ZBTB7C: variants seen among roughly 807,000 people sequenced by gnomAD.
ZBTB7C encodes zinc finger and BTB domain-containing protein 7C.
In ZBTB7C, 8 loss-of-function variants were observed where a neutral mutation model predicts 25.7. The observed-to-expected ratio is 0.31, with a 90% CI of 0.18 to 0.56. The LOEUF is 0.56. ZBTB7C is among the 20% of genes least tolerant of loss of function. ZBTB7C has a pLI of 0.91. For missense variants in ZBTB7C, 824 were observed against 855.2 expected (o/e 0.96, Z 0.46); for synonymous variants, 394 against 369.0 (o/e 1.07, Z -0.78).
At chr18:48,409,482 CCCCGCGCCCCGCGCCCCGCG>C (rs1568432306), upstream of ZBTB7C, 1 of 146,214 alleles carries the variant, frequency 6.8e-6, no homozygotes, top group Non-Finnish European at 1.5e-5. Flanking sequence ...CGGCTGTCAG[CCCCGCGCCCCGCGCCCCGCG>C]CCCGCGCCGC....
intron 3 of ZBTB7C, among the ~76,000 whole-genome samples, chr18:48,059,150 T>G (rs1038333271): frequency 1.3e-5 from 2 of 152,196 alleles, no homozygotes; most frequent in Non-Finnish European, 2.9e-5. Context: ...CTAACTCAAC[T>G]CCTTTGGGAA....
chr18:48,384,697 T>G (rs956658151), intron 1 of ZBTB7C, among the ~76,000 whole-genome samples: 6 of 152,220 alleles, frequency 3.9e-5, no homozygotes, highest in African/African-American at 1.4e-4. Flanking sequence ...TTGTTTGTTT[T>G]TTGAGATTGA....
chr18:48,314,569 C>T (rs921231343), intron 2 of ZBTB7C, among the ~76,000 whole-genome samples: 13 of 152,126 alleles, frequency 8.5e-5, no homozygotes, highest in Non-Finnish European at 1.9e-4. Context: ...CATATAGTGG[C>T]CAAGAGCTGC....
At chr18:48,295,170 G>A (rs1247331582) in intron 2 of ZBTB7C, among the ~76,000 whole-genome samples, 4 of 152,110 alleles carry the variant, frequency 2.6e-5, no homozygotes, top group Non-Finnish European at 5.9e-5. Flanking sequence ...TGCAAGTAAC[G>A]TCTTGTTAAA....
intron 2 of ZBTB7C, among the ~76,000 whole-genome samples, chr18:48,292,948 C>T (rs531703696): frequency 3.3e-5 from 5 of 152,188 alleles, no homozygotes; most frequent in South Asian, 4.1e-4. Flanking sequence ...ACACCCCCAC[C>T]CCTGCCATGG....
chr18:48,366,331 A>G (rs56854062), intron 1 of ZBTB7C, among the ~76,000 whole-genome samples: 9,216 of 152,340 alleles, frequency 0.06, 376 homozygotes, highest in East Asian at 0.16. Context: ...ATGAAACTAT[A>G]GAAAGAACTA....
chr18:48,310,325 G>A lies in ZBTB7C; in HGVS notation c.-79+27849C>T, dbSNP rs577941896. ...GGTTATTGAGGAGCTTTCCTTTCTC[G>A]TCTCTCCTGAGTAAGTGAAAACAAT... On this transcript the variant is annotated intron_variant, in intron 2 of 4. Coordinates refer to ENST00000590800, the MANE Select transcript of ZBTB7C (RefSeq NM_001318841.2). Among the ~76,000 whole-genome samples, 23 of 151,344 alleles carry A rather than the reference G, an allele frequency of 1.5e-4. 1 individual carries two copies. The highest frequency in any genetic ancestry group is 8.6e-4 in the Admixed American group (13 of 15,182).
chr18:48,221,937 CCCAG>C (rs1336625854), intron 2 of ZBTB7C, among the ~76,000 whole-genome samples: 113 of 102,598 alleles, frequency 1.1e-3, no homozygotes, highest in Admixed American at 2.2e-3. Context: ...TCTATACTGT[CCCAG>C]TCTCCTCTAT....
intron 2 of ZBTB7C, among the ~76,000 whole-genome samples, chr18:48,222,666 C>T (rs747433195): frequency 1.3e-5 from 2 of 152,138 alleles, no homozygotes; most frequent in Non-Finnish European, 2.9e-5. Flanking sequence ...AGGTGAGAGG[C>T]TTTCCACACA....
chr18:48,029,791 C>A lies in ZBTB7C; in HGVS notation c.1329G>T (p.Thr443=). The A allele has an allele frequency of 1.2e-6, 2 of 1,608,566 alleles. No individual in the cohort carries two copies. Among genetic ancestry groups the A allele is most frequent in the African/African-American group, 1.3e-5 (1 of 75,036 alleles). Residue 443 remains threonine, a synonymous_variant, in exon 5 of 5, where the codon ACG becomes ACT. Transcript: ENST00000590800. ...YDLKNHMRIH[T]GVRPYQCEFC... ...ACTCGCACTGGTAGGGCCGCACGCC[C>A]GTGTGGATGCGCATGTGGTTCTTGA...
chr18:48,359,345 AGATG>A (rs779473782), intron 1 of ZBTB7C, among the ~76,000 whole-genome samples: 16,917 of 152,248 alleles, frequency 0.11, 1,068 homozygotes, highest in Non-Finnish European at 0.14. Flanking sequence ...GAAACTATGA[AGATG>A]ATCAAAACAT....
At chr18:48,366,225 G>T (rs899485929) in intron 1 of ZBTB7C, among the ~76,000 whole-genome samples, 2 of 152,180 alleles carry the variant, frequency 1.3e-5, no homozygotes, top group African/African-American at 4.8e-5. Context: ...TCAAACCAGT[G>T]GGGGAAAGAT....
At chr18:48,159,950 C>A (rs1352635025) in intron 3 of ZBTB7C, among the ~76,000 whole-genome samples, 1 of 152,234 alleles carries the variant, frequency 6.6e-6, no homozygotes, top group East Asian at 1.9e-4. Flanking sequence ...ATGACAAGAA[C>A]CCCTGCAGGA....
intron 2 of ZBTB7C, among the ~76,000 whole-genome samples, chr18:48,327,930 C>T (rs1048655890): frequency 6.6e-6 from 1 of 151,832 alleles, no homozygotes; most frequent in Admixed American, 6.6e-5. Context: ...TAAGTGAGGC[C>T]GGGCGTAGTG....
chr18:48,282,177 T>G (rs1254219576), intron 2 of ZBTB7C, among the ~76,000 whole-genome samples: 1 of 149,994 alleles, frequency 6.7e-6, no homozygotes, highest in Admixed American at 6.6e-5. Context: ...TGGATGAAAT[T>G]GGAAACCATC....
At chr18:48,376,818 AT>A (rs1271553837) in intron 1 of ZBTB7C, among the ~76,000 whole-genome samples, 1 of 152,188 alleles carries the variant, frequency 6.6e-6, no homozygotes, top group Non-Finnish European at 1.5e-5. Flanking sequence ...CCAGGCATCA[AT>A]TAGAGAGTAA....
chr18:48,136,478 T>A lies in ZBTB7C; in HGVS notation c.-17+49456A>T, dbSNP rs369174925. ...TAATTTCTGCCCGTATCGCCGGCCC[T>A]CGACTTTTGCCAAGTTGCCATGGCT... On this transcript the variant is annotated intron_variant, in intron 3 of 4. Transcript: ENST00000590800. Among the ~76,000 whole-genome samples the A allele has an allele frequency of 2.6e-4, 39 of 152,288 alleles. No homozygotes were observed. The East Asian group carries it at 4.3e-3, about 17-fold the overall frequency.
At chr18:48,376,666 C>A in intron 1 of ZBTB7C, among the ~76,000 whole-genome samples, 1 of 152,266 alleles carries the variant, frequency 6.6e-6, no homozygotes, top group Admixed American at 6.5e-5. Context: ...AGTGGCTCTG[C>A]AGTCTGGGTG....
intron 1 of ZBTB7C, among the ~76,000 whole-genome samples, chr18:48,355,739 C>T (rs773362056): frequency 1.1e-4 from 16 of 152,352 alleles, no homozygotes; most frequent in East Asian, 3.9e-4. Flanking sequence ...GTCTCCCGTG[C>T]ACCCCTGCAA....
Sources: allele counts gnomAD v4.1 joint callset (sites outside exome capture counted in the v4.1 genomes callset), GRCh38; gene constraint gnomAD v4.1.1; transcripts MANE v1.5; gene names NCBI Gene and HGNC (gene_info 2026-07-23, HGNC 2026-07-21).